RADIL: variants seen among roughly 807,000 people sequenced by gnomAD.
RADIL encodes the protein Rap associating with DIL domain, also known as ras-associating and dilute domain-containing protein.
RADIL carries 99 observed loss-of-function variants against 97.6 expected under a neutral mutation model. That is an observed-to-expected ratio of 1.01 (90% CI 0.86 to 1.20). The LOEUF (loss-of-function observed/expected upper bound fraction) is 1.20, where lower values mean the gene tolerates loss of function less well. Ranked by LOEUF, RADIL falls within the 50% of genes most tolerant of loss-of-function variation. RADIL has a pLI of 0.00. For synonymous variants in RADIL, 803 were observed against 691.8 expected (o/e 1.16, Z -2.52); for missense variants, 1,765 against 1,498.9 (o/e 1.18, Z -2.93).
chr7:4,805,192 C>A (rs1250237038), intron 10 of RADIL: 8 of 252,822 alleles, frequency 3.2e-5, no homozygotes, highest in Non-Finnish European at 7.6e-6. Context: ...TGCGTGTGCA[C>A]ATACATGGCT....
intron 2 of RADIL, among the ~76,000 whole-genome samples, chr7:4,839,797 G>C (rs1219238801): frequency 6.6e-6 from 1 of 152,152 alleles, no homozygotes; most frequent in Non-Finnish European, 1.5e-5. Context: ...CCAGGCTAGA[G>C]TAGCAGTAGC....
In RADIL at chr7:4,854,740, G is replaced by C. The variant is rs1367909078; in HGVS notation, c.536-18135C>G. ...ACAAAAAGATACCACTTTGGTATTG[G>C]TTGTTTAATTATATTTCACACATAT... On this transcript the variant is annotated intron_variant, in intron 2 of 14. Transcript: ENST00000399583. This position sits in a 1 kb window ranked among gnomAD's most constrained non-coding sequence, Gnocchi z 5.1. Among the ~76,000 whole-genome samples, 2 of 152,154 alleles carry C rather than the reference G, an allele frequency of 1.3e-5. No homozygotes were observed. The highest frequency in any genetic ancestry group is 6.5e-5 in the Admixed American group (1 of 15,268).
Position 4,821,987 on chromosome 7 carries a change from C to T in RADIL, c.1615+407G>A, listed in dbSNP as rs935202949. Among the ~76,000 whole-genome samples, 3 of 152,114 alleles carry T rather than the reference C, an allele frequency of 2.0e-5. No individual in the cohort carries two copies. The highest frequency in any genetic ancestry group is 7.2e-5 in the African/African-American group (3 of 41,408). On this transcript the variant is annotated intron_variant, in intron 6 of 14. Coordinates refer to ENST00000399583, the MANE Select transcript of RADIL (RefSeq NM_018059.5). The surrounding 1 kb of genome is among the most constrained non-coding windows in gnomAD (Gnocchi z 5.2). The stretch of plus-strand genomic sequence containing the variant: ...GAATAACGGTGTGTCTCAGAACGGG[C>T]GGCGGTCTCATGGCCGACGCTCTCT...
chr7:4,876,239 T>A (rs1380337569), intron 2 of RADIL, among the ~76,000 whole-genome samples: 1 of 152,142 alleles, frequency 6.6e-6, no homozygotes, highest in Non-Finnish European at 1.5e-5. Context: ...TCCTCCTACC[T>A]TGGCCTCTCA....
chr7:4,841,834 C>A (rs529140656), intron 2 of RADIL, among the ~76,000 whole-genome samples: 1 of 152,118 alleles, frequency 6.6e-6, no homozygotes, highest in African/African-American at 2.4e-5. Context: ...TTTGGGAGGC[C>A]GAGGCGGGAG....
chr7:4,814,542 G>T lies in RADIL; in HGVS notation c.2139+736C>A, dbSNP rs929414842. 1.3e-4 allele frequency among the ~76,000 whole-genome samples: 19 copies of T among 151,958 alleles called. No homozygotes were observed. The highest frequency in any genetic ancestry group is 4.4e-4 in the African/African-American group (18 of 41,360). ...TGTGATGACTGTGTTGGGAAGGGGG[G>T]TGGTGAGTGGCTGACTGTGTTGGGA... is the stretch of plus-strand genomic sequence containing the variant. On this transcript the variant is annotated intron_variant, in intron 9 of 14. Coordinates refer to ENST00000399583, the MANE Select transcript of RADIL (RefSeq NM_018059.5). The surrounding 1 kb of genome is among the most constrained non-coding windows in gnomAD (Gnocchi z 4.5).
rs954402608 is a variant in RADIL at position 4,849,207 on chromosome 7, A to C, written c.536-12602T>G. Among the ~76,000 whole-genome samples the C allele has an allele frequency of 2.6e-5, 4 of 151,882 alleles. No homozygotes were observed. Among genetic ancestry groups the C allele is most frequent in the Non-Finnish European group, 4.4e-5 (3 of 68,002 alleles). On this transcript the variant is annotated intron_variant, in intron 2 of 14. Transcript: ENST00000399583. The surrounding 1 kb of genome is among the most constrained non-coding windows in gnomAD (Gnocchi z 5.4). ...TTCACAGTTGAAAGTGGTTATGGGG[A>C]GTTCAAAACTGGGAAGAAGGAACGG...
chr7:4,815,726 C>T lies in RADIL; in HGVS notation c.1967-276G>A, dbSNP rs781291257. ...GCAGCCCCTAGCTGGGACCCTCTCC[C>T]ACTCCCAGACACATGTGCCGGGGGC... On this transcript the variant is annotated intron_variant, in intron 8 of 14. Coordinates refer to ENST00000399583, the MANE Select transcript of RADIL (RefSeq NM_018059.5). This position sits in a 1 kb window ranked among gnomAD's most constrained non-coding sequence, Gnocchi z 8.0. 2.0e-5 allele frequency among the ~76,000 whole-genome samples: 3 copies of T among 152,186 alleles called. No individual in the cohort carries two copies. Among genetic ancestry groups the T allele is most frequent in the Non-Finnish European group, 4.4e-5 (3 of 68,018 alleles).
intron 2 of RADIL, chr7:4,858,884 G>A (rs1033840811): frequency 2.0e-5 from 3 of 152,208 alleles, no homozygotes; most frequent in Admixed American, 2.0e-4. Context: ...TACAGGCAAA[G>A]AGAAGAGAGG....
chr7:4,810,306 AC>A (rs1782504284), intron 9 of RADIL, among the ~76,000 whole-genome samples: 1 of 151,272 alleles, frequency 6.6e-6, no homozygotes, highest in African/African-American at 2.4e-5. Flanking sequence ...AATACACATC[AC>A]CATGCCTGGC....
rs62450185 is a variant in RADIL, at chr7:4,808,850, A to G, written c.2140-3134T>C. 154 of 868,550 alleles carry G rather than the reference A, an allele frequency of 1.8e-4. 5 individuals are homozygous for G. In the Admixed American group the frequency reaches 1.9e-3, roughly 11 times the overall value. The allele number at this position is 868,550 out of a possible 1,614,324, so 53.8% of individuals were successfully genotyped here. A position where few individuals can be genotyped will look rare whatever the true frequency, so the allele number is the denominator to read the frequency against. On this transcript the variant is annotated intron_variant, in intron 9 of 14. Coordinates refer to ENST00000399583, the MANE Select transcript of RADIL (RefSeq NM_018059.5). ...CCACTGCCCCTCCGCGTCTCCTTCC[A>G]ACGCCACTGCCCCTCCGCGTCTCCT...
chr7:4,832,261 A>G, intron 4 of RADIL, 83 bp from the exon 5 acceptor site: 1 of 1,379,428 alleles, frequency 7.2e-7, no homozygotes, highest in Non-Finnish European at 1.0e-6. Flanking sequence ...TACCATCGAC[A>G]GGAAAACAAG....
chr7:4,862,239 C>A (rs1425757292), intron 2 of RADIL, among the ~76,000 whole-genome samples: 1 of 152,256 alleles, frequency 6.6e-6, no homozygotes, highest in African/African-American at 2.4e-5. Flanking sequence ...TCTTTGCTCT[C>A]CAAGTCCCTT....
At chr7:4,844,696 C>A (rs4724109) in intron 2 of RADIL, among the ~76,000 whole-genome samples, 42,140 of 151,882 alleles carry the variant, frequency 0.28, 6,687 homozygotes, top group South Asian at 0.37. Context: ...CTCCACCTAA[C>A]TGGGCTCAAG....
rs1583293939 is a variant in RADIL at position 4,835,003 on chromosome 7, G to C, written c.1020C>G (p.His340Gln). 1.9e-6 allele frequency: 3 copies of C among 1,611,544 alleles called. No individual in the cohort carries two copies. In the Admixed American group the frequency reaches 5.0e-5, roughly 27 times the overall value. ...SEVGHRTVVL[H>Q]HGDLLSLGLY... ...GCCCCAGGGAGAGCAGGTCCCCGTG[G>C]TGCAGCACCACGGTCCTGTGCCCCA... Residue 340 changes from histidine (H) to glutamine (Q), a missense_variant, in exon 4 of 15, where the codon CAC (histidine) becomes CAG (glutamine). His to Gln is a conservative substitution (Grantham distance 24). Transcript: ENST00000399583. The surrounding 1 kb of genome is among the most constrained non-coding windows in gnomAD (Gnocchi z 5.8).
rs1185796503 is a variant in RADIL at position 4,819,382 on chromosome 7, A to G, written c.1616-2031T>C. Among the ~76,000 whole-genome samples, 2 of 150,728 alleles carry G rather than the reference A, an allele frequency of 1.3e-5. No individual in the cohort carries two copies. The highest frequency in any genetic ancestry group is 4.9e-5 in the African/African-American group (2 of 40,932). On this transcript the variant is annotated intron_variant, in intron 6 of 14. Coordinates refer to ENST00000399583, the MANE Select transcript of RADIL (RefSeq NM_018059.5). This position sits in a 1 kb window ranked among gnomAD's most constrained non-coding sequence, Gnocchi z 5.8. ...CCCAGCCCTGAGACTCCATTTCTAA[A>G]CCCCCGGAGACGCCTCTCCCTGTGG...
chr7:4,877,504 G>A (rs539455829), intron 2 of RADIL, 101 bp downstream of exon 2: 32 of 1,334,928 alleles, frequency 2.4e-5, no homozygotes, highest in Middle Eastern at 2.7e-4. Flanking sequence ...GAGCGAGCCC[G>A]CCCCACGCAT....
chr7:4,844,526 G>C lies in RADIL; in HGVS notation c.536-7921C>G, dbSNP rs117838787. ...GATTGTGTATGTAGGAAATGCAAAA[G>C]AATCTATGGAAAAATTATTATAATT... On this transcript the variant is annotated intron_variant, in intron 2 of 14. Coordinates refer to ENST00000399583, the MANE Select transcript of RADIL (RefSeq NM_018059.5). Among the ~76,000 whole-genome samples, 198 of 152,308 alleles carry C rather than the reference G, an allele frequency of 1.3e-3. 7 individuals carry two copies. The East Asian group carries it at 0.034, about 26-fold the overall frequency.
At chr7:4,845,563 C>T (rs77834625) in intron 2 of RADIL, among the ~76,000 whole-genome samples, 3,143 of 152,274 alleles carry the variant, frequency 0.021, 102 homozygotes, top group African/African-American at 0.071. Context: ...TGATTCTCTC[C>T]GGGAGGTGAC....
Sources: gnomAD v4.1 joint callset for allele counts (sites outside exome capture counted in the v4.1 genomes callset) on GRCh38, gnomAD v4.1.1 for gene constraint, Gnocchi (gnomAD v3.1) non-coding constraint, MANE v1.5 for transcripts, NCBI Gene and HGNC (gene_info 2026-07-23, HGNC 2026-07-21) for gene names.